Variants in ROR1 observed in about 807,000 individuals in gnomAD.
ROR1 encodes the protein ROR family WNT receptor 1.
ROR1 carries 19 observed loss-of-function variants against 78.8 expected under a neutral mutation model. The ratio of observed to expected loss-of-function variants is 0.24; its 90% CI spans 0.17 to 0.35. The LOEUF is 0.35. ROR1 is among the 10% of genes least tolerant of loss of function. The pLI is 1.00. For missense variants in ROR1, 917 were observed against 1,177.8 expected (o/e 0.78, Z 3.24); for synonymous variants, 386 against 433.6 (o/e 0.89, Z 1.36).
At chr1:64,171,251 CA>C in intron 8 of ROR1, 1 of 167,560 alleles carries the variant, frequency 6.0e-6, no homozygotes, top group Non-Finnish European at 1.2e-5. Flanking sequence ...TGACGGAAGG[CA>C]AGGAGGAGCA....
At chr1:63,849,837 G>T (rs562275986) in intron 1 of ROR1, among the ~76,000 whole-genome samples, 1 of 152,214 alleles carries the variant, frequency 6.6e-6, no homozygotes, top group African/African-American at 2.4e-5. Context: ...ACTTTGAAAT[G>T]TTTTAAGTGT....
chr1:63,858,317 C>T (rs1234785600), intron 1 of ROR1, among the ~76,000 whole-genome samples: 1 of 152,102 alleles, frequency 6.6e-6, no homozygotes, highest in African/African-American at 2.4e-5. Flanking sequence ...TCCATCCTTC[C>T]CTATCCTTTC....
chr1:63,843,487 AG>A, intron 1 of ROR1: 1 of 761,940 alleles, frequency 1.3e-6, no homozygotes, highest in South Asian at 1.3e-5. Flanking sequence ...AAGGTGGTGT[AG>A]GGGTCGTCGA....
intron 8 of ROR1, among the ~76,000 whole-genome samples, chr1:64,175,004 GT>G (rs565910998): frequency 0.013 from 1,854 of 138,866 alleles, 25 homozygotes; most frequent in African/African-American, 0.041. Flanking sequence ...TTCGCCTATT[GT>G]TTTTTTTTTT....
rs541891855 is a variant in ROR1 at position 64,177,585 on chromosome 1, A to G, written c.1544A>G (p.Gln515Arg). ...ACCTTGAAAGACTATAACAACCCCC[A>G]GCAATGGACGGAATTTCAACAAGAA... is the stretch of plus-strand genomic sequence containing the variant. ...IKTLKDYNNPQQWTEFQQEAS... is the reference protein window; with the variant it reads ...IKTLKDYNNPRQWTEFQQEAS... Residue 515 changes from glutamine (Q) to arginine (R), a missense_variant, in exon 9 of 9, where the codon CAG (glutamine) becomes CGG (arginine). Gln to Arg is a conservative substitution (Grantham distance 43, BLOSUM62 1). Around this residue, in one of 3 missense-constraint regions of ROR1, gnomAD observed 835 missense variants for 1,069.8 expected, o/e 0.78. Transcript: ENST00000371079. 10 of 1,614,202 alleles carry G rather than the reference A, an allele frequency of 6.2e-6. No individual in the cohort carries two copies. The highest frequency in any genetic ancestry group is 1.3e-5 in the African/African-American group (1 of 75,046).
intron 1 of ROR1, among the ~76,000 whole-genome samples, chr1:63,938,327 T>A (rs748343056): frequency 1.3e-5 from 2 of 152,130 alleles, no homozygotes; most frequent in Non-Finnish European, 2.9e-5. Context: ...ACTAAGCCAT[T>A]TTATATCACG....
rs112019674 is a variant in ROR1 at position 64,166,531 on chromosome 1, T to G, written c.1386+7339T>G. Among the ~76,000 whole-genome samples, 808 of 152,354 alleles carry G rather than the reference T, an allele frequency of 5.3e-3. 9 individuals are homozygous for G. Among genetic ancestry groups the G allele is most frequent in the African/African-American group, 0.017 (714 of 41,586 alleles). ...TTTGTTTGTGTCATCTCTGATTTCT[T>G]TGAGCAGTGTTTTGACTACAGCTCT... On this transcript the variant is annotated intron_variant, in intron 8 of 8. Coordinates refer to ENST00000371079, the MANE Select transcript of ROR1 (RefSeq NM_005012.4).
At chr1:63,963,303 C>T (rs1224604307) in intron 1 of ROR1, among the ~76,000 whole-genome samples, 1 of 152,080 alleles carries the variant, frequency 6.6e-6, no homozygotes, top group African/African-American at 2.4e-5. Context: ...CGCAGTGGCT[C>T]ATGCCTTTAA....
At chr1:64,046,654 A>G (rs1646787573) in intron 2 of ROR1, among the ~76,000 whole-genome samples, 1 of 152,114 alleles carries the variant, frequency 6.6e-6, no homozygotes, top group Non-Finnish European at 1.5e-5. Context: ...GAAGAGCACA[A>G]CCCTGTGGGT....
chr1:63,994,338 T>G (rs1646320385), intron 1 of ROR1, among the ~76,000 whole-genome samples: 1 of 152,166 alleles, frequency 6.6e-6, no homozygotes, highest in Non-Finnish European at 1.5e-5. Flanking sequence ...TAAGTAGCAA[T>G]TTTTTGAATT....
chr1:63,963,957 A>G (rs1021399375), intron 1 of ROR1, among the ~76,000 whole-genome samples: 1 of 152,094 alleles, frequency 6.6e-6, no homozygotes, highest in African/African-American at 2.4e-5. Context: ...TCAGTCTTAT[A>G]TTTTTTTGAG....
At chr1:64,034,525 T>TC in intron 2 of ROR1, among the ~76,000 whole-genome samples, 1 of 152,164 alleles carries the variant, frequency 6.6e-6, no homozygotes, top group African/African-American at 2.4e-5. Context: ...AATTATTGAG[T>TC]CCCCCCTCTT....
At chr1:64,073,142 T>C (rs1647021097) in intron 4 of ROR1, among the ~76,000 whole-genome samples, 1 of 152,196 alleles carries the variant, frequency 6.6e-6, no homozygotes, top group South Asian at 2.1e-4. Flanking sequence ...CTACTTTGCT[T>C]AGCTTCCCTC....
At chr1:63,998,783 A>AGGAGGTT (rs1225664670) in intron 1 of ROR1, among the ~76,000 whole-genome samples, 3 of 151,988 alleles carry the variant, frequency 2.0e-5, no homozygotes, top group Admixed American at 6.6e-5. Flanking sequence ...GATATGGTTT[A>AGGAGGTT]GCTCTGTGTC....
chr1:63,955,329 T>C (rs1645972484), intron 1 of ROR1, among the ~76,000 whole-genome samples: 1 of 152,192 alleles, frequency 6.6e-6, no homozygotes, highest in Non-Finnish European at 1.5e-5. Flanking sequence ...TAAGCATAAA[T>C]TTTTTCTTTG....
At chr1:64,005,486 C>T (rs1338534336) in intron 1 of ROR1, among the ~76,000 whole-genome samples, 1 of 152,184 alleles carries the variant, frequency 6.6e-6, no homozygotes, top group East Asian at 1.9e-4. Flanking sequence ...TGAAGAGAGG[C>T]TGCCAGGCTG....
chr1:64,135,868 C>T (rs1649084551), intron 4 of ROR1, among the ~76,000 whole-genome samples: 1 of 152,112 alleles, frequency 6.6e-6, no homozygotes, highest in Non-Finnish European at 1.5e-5. Context: ...CCACTTTCAC[C>T]TTTAAAATGA....
intron 1 of ROR1, among the ~76,000 whole-genome samples, chr1:63,899,034 G>A (rs1439877489): frequency 6.6e-6 from 1 of 151,872 alleles, no homozygotes; most frequent in Non-Finnish European, 1.5e-5. Flanking sequence ...CACCGGGACG[G>A]GCAAAGCTCT....
chr1:64,155,387 G>T (rs1649742003), intron 7 of ROR1, among the ~76,000 whole-genome samples: 1 of 152,086 alleles, frequency 6.6e-6, no homozygotes, highest in Non-Finnish European at 1.5e-5. Context: ...TTGTATGGAA[G>T]ACTTACAATG....
Sources: allele counts gnomAD v4.1 joint callset (sites outside exome capture counted in the v4.1 genomes callset), GRCh38; gene constraint gnomAD v4.1.1; regional missense constraint gnomAD v4.1.1; transcripts MANE v1.5; gene names NCBI Gene and HGNC (gene_info 2026-07-23, HGNC 2026-07-21).